EML4: variants seen among roughly 807,000 people sequenced by gnomAD.
EML4 encodes the protein echinoderm microtubule-associated protein-like 4.
In EML4, 72 loss-of-function variants were observed where a neutral mutation model predicts 129.0. The ratio of observed to expected loss-of-function variants is 0.56; its 90% confidence interval spans 0.46 to 0.68. EML4 has a LOEUF of 0.68. Ranked by LOEUF, EML4 falls within the 30% of genes least tolerant of loss-of-function variation. The pLI, the probability that EML4 is intolerant of heterozygous loss-of-function variation, is 0.00. For missense variants in EML4, 1,363 were observed against 1,190.6 expected, an observed-to-expected ratio of 1.14 and a Z score of -2.13; for synonymous variants, 532 against 405.0, an observed-to-expected ratio of 1.31 and a Z score of -3.77.
chr2:42,182,020 A>G (rs143130438), intron 1 of EML4, among the ~76,000 whole-genome samples: 3 of 152,020 alleles, frequency 2.0e-5, no homozygotes, highest in African/African-American at 7.2e-5. Context: ...CTCCTTTTAC[A>G]TATAGTTACT....
intron 22 of EML4, among the ~76,000 whole-genome samples, chr2:42,329,348 A>G (rs1669975338): frequency 6.6e-6 from 1 of 152,246 alleles, no homozygotes; most frequent in African/African-American, 2.4e-5. Context: ...ATTCAACGTT[A>G]TAAAACTAAT....
intron 1 of EML4, among the ~76,000 whole-genome samples, chr2:42,235,162 TGCAG>T: frequency 6.6e-6 from 1 of 151,998 alleles, no homozygotes; most frequent in South Asian, 2.1e-4. Context: ...CGGGTGTGCT[TGCAG>T]GTGCTTGTAA....
intron 2 of EML4, among the ~76,000 whole-genome samples, chr2:42,254,908 G>A (rs976855145): frequency 2.0e-5 from 3 of 151,930 alleles, no homozygotes; most frequent in African/African-American, 7.3e-5. Flanking sequence ...ACAGATGAAT[G>A]GAAAAACAAA....
At chr2:42,236,060 C>G (rs1439000548) in intron 1 of EML4, among the ~76,000 whole-genome samples, 6 of 152,112 alleles carry the variant, frequency 3.9e-5, no homozygotes, top group Admixed American at 3.9e-4. Context: ...TCTCACTGTC[C>G]TATCCTCTGT....
intron 17 of EML4, 103 bp from the exon 18 acceptor site, chr2:42,315,859 T>C (rs960580288): frequency 1.5e-5 from 12 of 802,900 alleles, no homozygotes; most frequent in Non-Finnish European, 2.5e-5. Context: ...ACCAGCGTTA[T>C]GACAAAGCAA....
At chr2:42,294,494 G>A (rs771637802) in intron 11 of EML4, among the ~76,000 whole-genome samples, 6 of 152,146 alleles carry the variant, frequency 3.9e-5, no homozygotes, top group South Asian at 2.1e-4. Context: ...TCAGGAGTTC[G>A]AGCCCAGCCT....
chr2:42,202,672 T>C (rs916764164), intron 1 of EML4, among the ~76,000 whole-genome samples: 2 of 152,134 alleles, frequency 1.3e-5, no homozygotes, highest in Non-Finnish European at 2.9e-5. Context: ...CTTTCCATGT[T>C]CTTTTGTCTG....
intron 1 of EML4, among the ~76,000 whole-genome samples, chr2:42,202,723 C>T (rs1672304391): frequency 6.6e-6 from 1 of 152,128 alleles, no homozygotes; most frequent in South Asian, 2.1e-4. Context: ...AGATTGTGCC[C>T]ACCCCGATTG....
chr2:42,215,769 C>G (rs1673147634), intron 1 of EML4, among the ~76,000 whole-genome samples: 1 of 152,130 alleles, frequency 6.6e-6, no homozygotes, highest in Non-Finnish European at 1.5e-5. Context: ...ATCTTTATTG[C>G]TATACCTTCT....
chr2:42,170,468 G>T (rs965714518), intron 1 of EML4, among the ~76,000 whole-genome samples: 1 of 152,212 alleles, frequency 6.6e-6, no homozygotes, highest in African/African-American at 2.4e-5. Flanking sequence ...TGTCTTTGTG[G>T]AATGGAGAAA....
rs1233402718 is a variant in EML4, at chr2:42,303,465, GATT to G, written c.1899+24_1899+26del. ...GGTAGATGTGAGTGAAGCAGGATGTGATTATTAACCTCCCCACAGAAACTCCTC... is the reference window on the plus strand; with the variant it reads ...GGTAGATGTGAGTGAAGCAGGATGTGATTAACCTCCCCACAGAAACTCCTC... On this transcript the variant is annotated intron_variant, in intron 16 of 22. Transcript: ENST00000318522. The G allele has an allele frequency of 6.2e-7, 1 of 1,609,688 alleles. No individual in the cohort carries two copies. The highest frequency in any genetic ancestry group is 2.2e-5 in the East Asian group (1 of 44,766).
At chr2:42,287,794 A>G (rs1667393046) in intron 10 of EML4, among the ~76,000 whole-genome samples, 1 of 152,168 alleles carries the variant, frequency 6.6e-6, no homozygotes, top group East Asian at 1.9e-4. Context: ...ATAGCCATGA[A>G]TTTTAGCTTA....
intron 6 of EML4, among the ~76,000 whole-genome samples, chr2:42,275,675 G>C (rs1666619599): frequency 6.6e-6 from 1 of 152,164 alleles, no homozygotes; most frequent in Non-Finnish European, 1.5e-5. Context: ...AAGTGCTAAA[G>C]CTGAGATTCA....
At chr2:42,282,054 A>G (rs549709922) in intron 7 of EML4, among the ~76,000 whole-genome samples, 2 of 152,200 alleles carry the variant, frequency 1.3e-5, no homozygotes, top group East Asian at 3.9e-4. Flanking sequence ...CCTTTTCCAG[A>G]TAGGCCTTCT....
intron 1 of EML4, among the ~76,000 whole-genome samples, chr2:42,173,126 A>G (rs74464638): frequency 0.04 from 6,065 of 152,322 alleles, 224 homozygotes; most frequent in East Asian, 0.2. Flanking sequence ...GTATGCTTCA[A>G]CTTATGGACT....
chr2:42,246,813 G>C (rs1293809125), intron 2 of EML4, among the ~76,000 whole-genome samples: 2 of 152,178 alleles, frequency 1.3e-5, no homozygotes, highest in East Asian at 1.9e-4. Context: ...ATTGCCAGCT[G>C]CTTACAGAGA....
chr2:42,289,913 C>CAAAAAAT (rs1667529404), intron 11 of EML4: 1 of 55,832 alleles, frequency 1.8e-5, no homozygotes, highest in Non-Finnish European at 3.9e-5. Context: ...ACTAAAAATA[C>CAAAAAAT]AAAAAAAAAA....
chr2:42,216,467 T>C (rs1673199645), intron 1 of EML4, among the ~76,000 whole-genome samples: 2 of 151,572 alleles, frequency 1.3e-5, no homozygotes, highest in Admixed American at 6.6e-5. Context: ...GGTCTTGAAC[T>C]CCTGACGTCG....
intron 2 of EML4, among the ~76,000 whole-genome samples, chr2:42,249,994 CAAG>C (rs1175554549): frequency 6.6e-6 from 1 of 152,096 alleles, no homozygotes. Context: ...TTTTAGCTGC[CAAG>C]AAGATGAATT....
Sources: gnomAD v4.1 joint callset for allele counts (sites outside exome capture counted in the v4.1 genomes callset) on GRCh38, gnomAD v4.1.1 for gene constraint, MANE v1.5 for transcripts, NCBI Gene and HGNC (gene_info 2026-07-23, HGNC 2026-07-21) for gene names.